Variants in PITPNC1 observed in about 807,000 individuals in gnomAD.
PITPNC1 encodes the protein cytoplasmic phosphatidylinositol transfer protein 1.
Under a neutral mutation model 44.7 loss-of-function variants are expected in PITPNC1, and 18 were observed. The observed-to-expected ratio is 0.40, with a 90% CI of 0.28 to 0.60. The LOEUF (loss-of-function observed/expected upper bound fraction) is 0.60. Ranked by LOEUF, PITPNC1 falls within the 20% of genes least tolerant of loss-of-function variation. The pLI, the probability that PITPNC1 is intolerant of heterozygous loss-of-function variation, is 0.39. For synonymous variants in PITPNC1, 141 were observed against 149.6 expected (o/e 0.94, Z 0.42); for missense variants, 290 against 418.4 (o/e 0.69, Z 2.68).
chr17:67,383,943 A>C (rs1428293193), intron 1 of PITPNC1, among the ~76,000 whole-genome samples: 1 of 152,192 alleles, frequency 6.6e-6, no homozygotes, highest in Non-Finnish European at 1.5e-5. Flanking sequence ...AGGGTGAGGC[A>C]GGAGAATTAC....
At chr17:67,611,878 A>T (rs2041691614) in intron 5 of PITPNC1, 1 of 152,182 alleles carries the variant, frequency 6.6e-6, no homozygotes. Context: ...TAATGGTTCA[A>T]CCTTTCTTGG....
intron 6 of PITPNC1, among the ~76,000 whole-genome samples, chr17:67,632,586 CTT>C (rs1194543004): frequency 1.0e-5 from 1 of 99,190 alleles, no homozygotes; most frequent in Non-Finnish European, 2.1e-5. Flanking sequence ...TTTTTTTTTT[CTT>C]TTTTTTTTTT....
rs2144380464 is a variant in PITPNC1, at chr17:67,658,299, C to T, written c.463-11209C>T. ...GGCCTTTCCTCTGATTGATCCCCAC[C>T]CTTCACCTATTTTAAATATGCCTAC... On this transcript the variant is annotated intron_variant, in intron 6 of 8. Transcript: ENST00000581322. 1.3e-5 allele frequency among the ~76,000 whole-genome samples: 2 copies of T among 152,298 alleles called. 1 individual carries two copies. Among genetic ancestry groups the T allele is most frequent in the South Asian group, 4.1e-4 (2 of 4,830 alleles).
intron 7 of PITPNC1, among the ~76,000 whole-genome samples, chr17:67,673,953 C>T (rs1180551129): frequency 2.9e-5 from 3 of 104,794 alleles, no homozygotes; most frequent in African/African-American, 4.0e-5. Flanking sequence ...GGGGACAGAG[C>T]GAGACTCCGT....
chr17:67,509,566 AT>A (rs1199937771), intron 1 of PITPNC1, among the ~76,000 whole-genome samples: 22 of 139,644 alleles, frequency 1.6e-4, no homozygotes, highest in African/African-American at 5.6e-4. Flanking sequence ...TTAAAAATAA[AT>A]AAATAAATAA....
Position 67,640,906 on chromosome 17 carries a change from T to A in PITPNC1, c.462+8668T>A, listed in dbSNP as rs570088564. Among the ~76,000 whole-genome samples the A allele has an allele frequency of 1.9e-4, 29 of 151,762 alleles. No homozygotes were observed. In the East Asian group the frequency reaches 5.6e-3, roughly 29 times the overall value. On this transcript the variant is annotated intron_variant, in intron 6 of 8. Coordinates refer to ENST00000581322, the MANE Select transcript of PITPNC1 (RefSeq NM_012417.4). ...TCCGGAGGCTGAGGCAGGAGAATCGTTTGAACCCGGAAGGCAAAGGTTGCA... is the reference window on the plus strand; with the variant it reads ...TCCGGAGGCTGAGGCAGGAGAATCGATTGAACCCGGAAGGCAAAGGTTGCA...
intron 6 of PITPNC1, among the ~76,000 whole-genome samples, chr17:67,649,801 G>C (rs1239454272): frequency 6.6e-6 from 1 of 152,010 alleles, no homozygotes; most frequent in Non-Finnish European, 1.5e-5. Flanking sequence ...TGCTAGAAAG[G>C]CTCACAGAAC....
chr17:67,413,627 G>A (rs1159096846), intron 1 of PITPNC1, among the ~76,000 whole-genome samples: 2 of 152,116 alleles, frequency 1.3e-5, no homozygotes, highest in Admixed American at 1.3e-4. Flanking sequence ...ACATGAGGCA[G>A]ATGAGGAGTT....
chr17:67,460,325 C>A (rs1340906738), intron 1 of PITPNC1, among the ~76,000 whole-genome samples: 2 of 152,148 alleles, frequency 1.3e-5, no homozygotes, highest in African/African-American at 4.8e-5. Context: ...AACTGTGTTC[C>A]AGGGCTCGGA....
At chr17:67,403,641 C>A (rs1238713678) in intron 1 of PITPNC1, among the ~76,000 whole-genome samples, 1 of 152,154 alleles carries the variant, frequency 6.6e-6, no homozygotes, top group African/African-American at 2.4e-5. Context: ...AAGGTGGATC[C>A]TATTATCTTC....
At chr17:67,592,869 T>C (rs2570052) in intron 5 of PITPNC1, among the ~76,000 whole-genome samples, 44,242 of 152,066 alleles carry the variant, frequency 0.29, 7,337 homozygotes, top group African/African-American at 0.45. Context: ...AGACCCCATC[T>C]CTGCAAACAA....
chr17:67,519,239 C>T (rs956893388), intron 1 of PITPNC1, among the ~76,000 whole-genome samples: 12 of 138,410 alleles, frequency 8.7e-5, no homozygotes, highest in Non-Finnish European at 1.2e-4. Context: ...TGCAGTGGCA[C>T]GATCTCAGCT....
intron 1 of PITPNC1, among the ~76,000 whole-genome samples, chr17:67,463,910 A>AG (rs2039384129): frequency 6.6e-6 from 1 of 150,806 alleles, no homozygotes. Flanking sequence ...GAAAAAAAAA[A>AG]GAGCCAGGTG....
At chr17:67,469,493 G>C (rs2039481029) in intron 1 of PITPNC1, among the ~76,000 whole-genome samples, 1 of 152,210 alleles carries the variant, frequency 6.6e-6, no homozygotes, top group Non-Finnish European at 1.5e-5. Flanking sequence ...CTGTTGACAA[G>C]GGAGAAGCCT....
In PITPNC1 at chr17:67,623,185, G is replaced by A. The variant is rs140213722; in HGVS notation, c.367-8958G>A. Reference sequence around the variant, plus strand: ...GCTAGGCTTCTCTGTCTCTTTAATCGTATCTGAAGCATAAAACAAGATGAC... The same window carrying A: ...GCTAGGCTTCTCTGTCTCTTTAATCATATCTGAAGCATAAAACAAGATGAC... On this transcript the variant is annotated intron_variant, in intron 5 of 8. Transcript: ENST00000581322. 2.3e-4 allele frequency among the ~76,000 whole-genome samples: 34 copies of A among 148,404 alleles called. No individual in the cohort carries two copies. The South Asian group carries it at 6.9e-3, about 30-fold the overall frequency.
intron 1 of PITPNC1, among the ~76,000 whole-genome samples, chr17:67,513,487 G>GTATATATATATATA (rs1442010835): frequency 1.2e-4 from 17 of 136,906 alleles, no homozygotes; most frequent in African/African-American, 5.2e-4. Context: ...ATGTGTGTGT[G>GTATATATATATATA]TGTATATATA....
At chr17:67,602,519 GT>G (rs2041553826) in intron 5 of PITPNC1, among the ~76,000 whole-genome samples, 1 of 152,178 alleles carries the variant, frequency 6.6e-6, no homozygotes, top group African/African-American at 2.4e-5. Flanking sequence ...GGCTGCCCAT[GT>G]GGACACTGAA....
intron 1 of PITPNC1, among the ~76,000 whole-genome samples, chr17:67,469,489 A>G (rs985371110): frequency 1.3e-5 from 2 of 152,134 alleles, no homozygotes; most frequent in South Asian, 4.1e-4. Context: ...CTGCCTGTTG[A>G]CAAGGGAGAA....
intron 4 of PITPNC1, 55 bp downstream of exon 4, chr17:67,553,672 G>A (rs2040797149): frequency 2.9e-6 from 2 of 682,208 alleles, no homozygotes; most frequent in Non-Finnish European, 4.8e-6. Context: ...TGGAGTAATT[G>A]GAATGTCTCT....
Sources: gnomAD v4.1 joint callset for allele counts (sites outside exome capture counted in the v4.1 genomes callset) on GRCh38, gnomAD v4.1.1 for gene constraint, MANE v1.5 for transcripts, NCBI Gene and HGNC (gene_info 2026-07-23, HGNC 2026-07-21) for gene names.